MAP3K3: variants seen among roughly 807,000 people sequenced by gnomAD.
MAP3K3 encodes the protein MAP/ERK kinase kinase 3.
MAP3K3 carries 12 observed loss-of-function variants against 80.9 expected under a neutral mutation model. The ratio of observed to expected loss-of-function variants is 0.15; its 90% CI spans 0.10 to 0.24. MAP3K3 has a LOEUF of 0.24. Among genes scored for constraint, MAP3K3 ranks in the 10% least tolerant of loss-of-function variants. The probability of loss-of-function intolerance (pLI) is 1.00; values close to 1 mark genes in which losing one functional copy is unlikely to be tolerated. For synonymous variants in MAP3K3, 272 were observed against 307.1 expected, an observed-to-expected ratio of 0.89 and a Z score of 1.19; for missense variants, 596 against 834.7, an observed-to-expected ratio of 0.71 and a Z score of 3.52.
At chr17:63,623,767 T>A (rs2034043201) in intron 1 of MAP3K3, among the ~76,000 whole-genome samples, 1 of 152,318 alleles carries the variant, frequency 6.6e-6, no homozygotes, top group Admixed American at 6.5e-5. Context: ...TGCAAAATAT[T>A]TGGTATTGCC....
intron 2 of MAP3K3, among the ~76,000 whole-genome samples, chr17:63,638,757 T>G (rs988546402): frequency 7.9e-5 from 12 of 152,148 alleles, no homozygotes; most frequent in Admixed American, 1.3e-4. Context: ...ACAAAAGAAA[T>G]GTATGTCGGT....
intron 1 of MAP3K3, 42 bp from the exon 2 acceptor site, chr17:63,632,639 T>A: frequency 5.0e-6 from 8 of 1,609,460 alleles, no homozygotes; most frequent in Non-Finnish European, 5.9e-6. Context: ...TTTGCTGGTC[T>A]GTATTTAAGT....
At chr17:63,652,435 T>G in intron 3 of MAP3K3, 122 bp from the exon 4 acceptor site, 1 of 669,766 alleles carries the variant, frequency 1.5e-6, no homozygotes, top group Non-Finnish European at 2.6e-6. Context: ...AAAAGGCAAA[T>G]TGAGTGAAAG....
At chr17:63,626,985 T>C (rs1420087795) in intron 1 of MAP3K3, among the ~76,000 whole-genome samples, 1 of 152,238 alleles carries the variant, frequency 6.6e-6, no homozygotes, top group African/African-American at 2.4e-5. Context: ...GTGGTGCTTC[T>C]GGCAACTTTT....
chr17:63,659,476 A>G (rs2034839463), intron 5 of MAP3K3, among the ~76,000 whole-genome samples: 1 of 144,762 alleles, frequency 6.9e-6, no homozygotes, highest in Admixed American at 6.9e-5. Flanking sequence ...CTCTAACTAT[A>G]TGTGATGAAA....
rs186162440 is a variant in MAP3K3 at position 63,640,684 on chromosome 17, T to C, written c.127-5350T>C. On this transcript the variant is annotated intron_variant, in intron 2 of 15. Transcript: ENST00000361733. Reference sequence around the variant, plus strand: ...AAAAAGCATGTACTCTGTTAACAAATAGACTCCAAATCTCAGTGATTTAAC... The same window carrying C: ...AAAAAGCATGTACTCTGTTAACAAACAGACTCCAAATCTCAGTGATTTAAC... Among the ~76,000 whole-genome samples the C allele has an allele frequency of 1.1e-4, 16 of 152,264 alleles. No homozygotes were observed. The East Asian group carries it at 3.1e-3, about 29-fold the overall frequency.
chr17:63,642,259 A>G (rs1598071966), intron 2 of MAP3K3, among the ~76,000 whole-genome samples: 1 of 152,208 alleles, frequency 6.6e-6, no homozygotes, highest in African/African-American at 2.4e-5. Context: ...TTTCTGAATA[A>G]ATTCATGTAG....
intron 2 of MAP3K3, 55 bp from the exon 3 acceptor site, chr17:63,645,979 C>T (rs2034533270): frequency 6.9e-7 from 1 of 1,448,228 alleles, no homozygotes; most frequent in African/African-American, 1.4e-5. Context: ...TTGGCAATGG[C>T]AGGAGTGACA....
At position 63,695,313 on chromosome 17, in the gene MAP3K3, C is replaced by T. The variant is rs890093254; in HGVS notation, c.*1536C>T. On this transcript the variant is annotated 3_prime_UTR_variant, in exon 16 of 16. Transcript: ENST00000361733. The surrounding 1 kb of genome is among the most constrained non-coding windows in gnomAD (Gnocchi z 4.1). ...AGGCCTTGTACTTGTTAATTTATAT[C>T]TCAGATCATATTTGATGGTTTTTAT... is the stretch of plus-strand genomic sequence containing the variant. 6.6e-6 allele frequency: 1 copy of T among 152,668 alleles called. No homozygotes were observed. Among genetic ancestry groups the T allele is most frequent in the African/African-American group, 2.4e-5 (1 of 41,446 alleles). 9.5% of individuals were successfully genotyped at this position (152,668 alleles called of 1,614,324 possible).
chr17:63,689,486 G>T lies in MAP3K3; in HGVS notation c.872-58G>T. On this transcript the variant is annotated intron_variant, in intron 10 of 15. Coordinates refer to ENST00000361733, the MANE Select transcript of MAP3K3 (RefSeq NM_002401.5). The surrounding 1 kb of genome is among the most constrained non-coding windows in gnomAD (Gnocchi z 4.3). ...GGGGTGTCTCAGACCTGGTTTGTAC[G>T]TTCCGCCTCGTAGCCTGGGGTGTGA... is the stretch of plus-strand genomic sequence containing the variant. 6.7e-7 allele frequency: 1 copy of T among 1,499,522 alleles called. No homozygotes were observed. 92.9% of individuals were successfully genotyped at this position (1,499,522 alleles called of 1,614,324 possible).
chr17:63,689,990 G>A lies in MAP3K3; in HGVS notation c.1063+255G>A. On this transcript the variant is annotated intron_variant, in intron 11 of 15. Coordinates refer to ENST00000361733, the MANE Select transcript of MAP3K3 (RefSeq NM_002401.5). The surrounding 1 kb of genome is among the most constrained non-coding windows in gnomAD (Gnocchi z 4.3). ...ACACCCTTCATCCCTGCCATATTAA[G>A]ATATTTAGGGGCTTTGGAAGGAAAT... The A allele has an allele frequency of 1.7e-6, 1 of 578,128 alleles. No individual in the cohort carries two copies. Among genetic ancestry groups the A allele is most frequent in the Non-Finnish European group, 3.0e-6 (1 of 328,140 alleles). 35.8% of individuals were successfully genotyped at this position (578,128 alleles called of 1,614,324 possible). A position where few individuals can be genotyped will look rare whatever the true frequency, so the allele number is the denominator to read the frequency against.
At chr17:63,690,097 T>C (rs1233164103) in intron 11 of MAP3K3, 167 bp from the exon 12 acceptor site, 10 of 736,092 alleles carry the variant, frequency 1.4e-5, no homozygotes, top group Non-Finnish European at 2.0e-5. Flanking sequence ...CAGGTCCGAG[T>C]GACTAGGGCA....
chr17:63,680,575 A>G (rs2035309504), intron 6 of MAP3K3, among the ~76,000 whole-genome samples: 1 of 152,182 alleles, frequency 6.6e-6, no homozygotes, highest in African/African-American at 2.4e-5. Flanking sequence ...CTCTTGGGCT[A>G]GGAGGAAGGA....
At chr17:63,688,312 ATTTACC>A (rs2035503680) in intron 8 of MAP3K3, 1 of 592,432 alleles carries the variant, frequency 1.7e-6, no homozygotes, top group Non-Finnish European at 3.0e-6. Context: ...GATGGGGGAG[ATTTACC>A]ACTCAGGGTG....
Position 63,694,047 on chromosome 17 carries a change from C to T in MAP3K3, c.*270C>T. The T allele has an allele frequency of 2.4e-6, 1 of 410,438 alleles. No homozygotes were observed. Among genetic ancestry groups the T allele is most frequent in the Non-Finnish European group, 4.4e-6 (1 of 229,670 alleles). The allele number at this position is 410,438 out of a possible 1,614,324, so 25.4% of individuals were successfully genotyped here. ...AGGGGTAGGGGCTGGGAACAGTGTG[C>T]AAGGCAGCCGTGGGCCCCACCCTCG... On this transcript the variant is annotated 3_prime_UTR_variant, in exon 16 of 16. Coordinates refer to ENST00000361733, the MANE Select transcript of MAP3K3 (RefSeq NM_002401.5).
intron 3 of MAP3K3, among the ~76,000 whole-genome samples, chr17:63,646,925 T>C (rs2034552034): frequency 6.6e-6 from 1 of 152,200 alleles, no homozygotes. Flanking sequence ...CCCATTGATA[T>C]ACTACCCCCT....
chr17:63,646,852 A>T (rs943547005), intron 3 of MAP3K3, among the ~76,000 whole-genome samples: 5 of 152,194 alleles, frequency 3.3e-5, no homozygotes, highest in African/African-American at 1.2e-4. Context: ...ATGTTTGTGC[A>T]TGTGCGGCAC....
At chr17:63,685,380 T>C in intron 7 of MAP3K3, 137 bp from the exon 8 acceptor site, 1 of 718,446 alleles carries the variant, frequency 1.4e-6, no homozygotes, top group South Asian at 1.5e-5. Flanking sequence ...TAACTATTCT[T>C]CCCATTGCAT....
At position 63,695,488 on chromosome 17, in the gene MAP3K3, C is replaced by G. The variant is rs1008550895; in HGVS notation, c.*1711C>G. ...ATCCCTGTTCCCCCAGGGGCTCTAT[C>G]AGCCCCTGTACCCCACACTGCCCTC... On this transcript the variant is annotated 3_prime_UTR_variant, in exon 16 of 16. Coordinates refer to ENST00000361733, the MANE Select transcript of MAP3K3 (RefSeq NM_002401.5). The surrounding 1 kb of genome is among the most constrained non-coding windows in gnomAD (Gnocchi z 4.1). 3.3e-5 allele frequency: 5 copies of G among 152,658 alleles called. No individual in the cohort carries two copies. Among genetic ancestry groups the G allele is most frequent in the Admixed American group, 1.3e-4 (2 of 15,286 alleles). 9.5% of individuals were successfully genotyped at this position (152,658 alleles called of 1,614,324 possible).
Sources: allele counts gnomAD v4.1 joint callset (sites outside exome capture counted in the v4.1 genomes callset), GRCh38; gene constraint gnomAD v4.1.1; non-coding constraint Gnocchi (gnomAD v3.1); transcripts MANE v1.5; gene names NCBI Gene and HGNC (gene_info 2026-07-23, HGNC 2026-07-21).